MAML2: variants seen among roughly 807,000 people sequenced by gnomAD.
MAML2 encodes the protein mastermind-like protein 2.
Under a neutral mutation model 96.1 loss-of-function variants are expected in MAML2, and 22 were observed. The ratio of observed to expected loss-of-function variants is 0.23; its 90% confidence interval spans 0.16 to 0.33. The LOEUF is 0.33. MAML2 is among the 10% of genes least tolerant of loss of function. The pLI is 1.00. For missense variants in MAML2, 1,367 were observed against 1,392.4 expected (o/e 0.98, Z 0.29); for synonymous variants, 561 against 521.3 (o/e 1.08, Z -1.04).
intron 1 of MAML2, among the ~76,000 whole-genome samples, chr11:96,187,790 C>T (rs1447889642): frequency 3.7e-4 from 42 of 114,950 alleles, no homozygotes; most frequent in African/African-American, 1.4e-3. Context: ...GAAACTCTGT[C>T]TCAAAAAAAA....
chr11:96,059,416 T>A (rs759862202), intron 2 of MAML2, among the ~76,000 whole-genome samples: 7 of 152,194 alleles, frequency 4.6e-5, no homozygotes, highest in Non-Finnish European at 8.8e-5. Flanking sequence ...TGAGTCAGAT[T>A]TTTAAAACCC....
chr11:96,147,798 T>C (rs1334690177), intron 1 of MAML2, among the ~76,000 whole-genome samples: 1 of 152,240 alleles, frequency 6.6e-6, no homozygotes, highest in Non-Finnish European at 1.5e-5. Context: ...ATCTATCACA[T>C]GCACATTGTA....
At chr11:96,111,147 T>G (rs1443030968) in intron 1 of MAML2, among the ~76,000 whole-genome samples, 3 of 152,246 alleles carry the variant, frequency 2.0e-5, no homozygotes, top group Admixed American at 6.5e-5. Context: ...CTCCACTATC[T>G]GTGCTCACAT....
chr11:96,277,499 C>A (rs1398827187), intron 1 of MAML2, among the ~76,000 whole-genome samples: 1 of 151,902 alleles, frequency 6.6e-6, no homozygotes, highest in East Asian at 1.9e-4. Context: ...GCCTGTAATC[C>A]CAGCTCTTTG....
rs763344223 is a variant in MAML2, at chr11:95,985,611, C to A, written c.2375G>T (p.Arg792Leu). The A allele has an allele frequency of 8.7e-6, 14 of 1,611,782 alleles. No homozygotes were observed. Among genetic ancestry groups the A allele is most frequent in the Non-Finnish European group, 1.1e-5 (13 of 1,178,722 alleles). ...ATCTGGAGGTGGCCTTGACAAATGT[C>A]GGTTTATCTGATCTTGTGGAGCAAT... ...EKIAPQDQIN[R>L]HLSRPPPDYK... The change falls in exon 4 of 5, where the codon CGA becomes CTA. Residue 792 changes from arginine to leucine, a missense_variant. By Grantham distance (102) the Arg-to-Leu change is moderately radical. Transcript: ENST00000524717.
At chr11:96,237,162 C>T (rs527954475) in intron 1 of MAML2, among the ~76,000 whole-genome samples, 26 of 152,318 alleles carry the variant, frequency 1.7e-4, no homozygotes, top group African/African-American at 5.8e-4. Context: ...GGTCCCCTCC[C>T]CGAGTTCTGT....
At chr11:96,069,225 G>T (rs867992111) in intron 2 of MAML2, among the ~76,000 whole-genome samples, 11 of 151,964 alleles carry the variant, frequency 7.2e-5, no homozygotes, top group Non-Finnish European at 1.6e-4. Context: ...ACTGAGTCTG[G>T]CCTATTTTCT....
chr11:96,029,674 T>C (rs1858580626), intron 2 of MAML2, among the ~76,000 whole-genome samples: 1 of 152,164 alleles, frequency 6.6e-6, no homozygotes, highest in Non-Finnish European at 1.5e-5. Flanking sequence ...TCTGCTCCTA[T>C]TCTCTCCATG....
chr11:95,982,345 C>T (rs1857754960), intron 4 of MAML2, among the ~76,000 whole-genome samples: 1 of 144,252 alleles, frequency 6.9e-6, no homozygotes, highest in African/African-American at 2.5e-5. Flanking sequence ...TCTTTAGAAA[C>T]AGAGCAATGT....
chr11:96,037,880 A>T (rs566409795), intron 2 of MAML2, among the ~76,000 whole-genome samples: 20 of 152,298 alleles, frequency 1.3e-4, no homozygotes, highest in African/African-American at 4.6e-4. Context: ...CAGTGACAAA[A>T]TACCCCAAGA....
rs1863406610 is a variant in MAML2 at position 96,302,786 on chromosome 11, C to T, written c.513+38597G>A. Among the ~76,000 whole-genome samples, 5 of 152,306 alleles carry T rather than the reference C, an allele frequency of 3.3e-5. No homozygotes were observed. The South Asian group carries it at 1.0e-3, about 32-fold the overall frequency. Reference sequence around the variant, plus strand: ...GGTGCTTGCAACCAAAGAATACACACCGACACATACCATCTTAGCACATCT... The same window carrying T: ...GGTGCTTGCAACCAAAGAATACACATCGACACATACCATCTTAGCACATCT... On this transcript the variant is annotated intron_variant, in intron 1 of 4. Coordinates refer to ENST00000524717, the MANE Select transcript of MAML2 (RefSeq NM_032427.4).
At chr11:96,233,932 G>A (rs1475028495) in intron 1 of MAML2, among the ~76,000 whole-genome samples, 1 of 152,104 alleles carries the variant, frequency 6.6e-6, no homozygotes, top group Admixed American at 6.6e-5. Flanking sequence ...GTGGCCAGGT[G>A]GGCCTCCAAA....
At chr11:96,121,219 G>C (rs1860335342) in intron 1 of MAML2, among the ~76,000 whole-genome samples, 2 of 152,146 alleles carry the variant, frequency 1.3e-5, no homozygotes, top group African/African-American at 4.8e-5. Context: ...CCTGGGAGAC[G>C]CTGGCTTCTC....
chr11:96,287,324 G>GC, intron 1 of MAML2, among the ~76,000 whole-genome samples: 1 of 152,320 alleles, frequency 6.6e-6, no homozygotes, highest in East Asian at 1.9e-4. Context: ...TAACTAAGAG[G>GC]CCCTTTGGGG....
In MAML2 at chr11:96,092,069, TTGTTGTTGCTGCTGCTGCTGC is replaced by T. The variant is rs746909008; in HGVS notation, c.1941_1961del (p.Gln659_Gln665del). ...GCTGCTGCTGCTGCTGTTGTTGCTG[TTGTTGTTGCTGCTGCTGCTGC>T]TGTTGTTGCTGCTGCTGCTGCTGTT... On this transcript the variant is annotated inframe_deletion, in exon 2 of 5. Transcript: ENST00000524717. The surrounding 1 kb of genome is among the most constrained non-coding windows in gnomAD (Gnocchi z 4.1). 7.1e-4 allele frequency: 1,103 copies of T among 1,548,822 alleles called. 11 individuals carry two copies. The highest frequency in any genetic ancestry group is 3.7e-3 in the Middle Eastern group (22 of 5,916).
chr11:96,265,112 A>G (rs897083283), intron 1 of MAML2, among the ~76,000 whole-genome samples: 1 of 152,186 alleles, frequency 6.6e-6, no homozygotes, highest in East Asian at 1.9e-4. Context: ...GCTGACTTTC[A>G]TTAGGAATGT....
intron 1 of MAML2, among the ~76,000 whole-genome samples, chr11:96,322,459 G>A (rs545634662): frequency 6.6e-6 from 1 of 152,212 alleles, no homozygotes; most frequent in African/African-American, 2.4e-5. Flanking sequence ...AGCACTTTGG[G>A]AGGCGGGCGG....
rs530039767 is a variant in MAML2, at chr11:96,053,427, C to T, written c.2139+38465G>A. Among the ~76,000 whole-genome samples, 28 of 152,298 alleles carry T rather than the reference C, an allele frequency of 1.8e-4. No individual in the cohort carries two copies. The South Asian group carries it at 3.5e-3, about 19-fold the overall frequency. On this transcript the variant is annotated intron_variant, in intron 2 of 4. Transcript: ENST00000524717. ...CACAACTATAAATTGCTCTTCTCCC[C>T]GACTTTCTTCCAATCATCCAGGGCA...
At chr11:96,099,219 G>A (rs1330182973) in intron 1 of MAML2, among the ~76,000 whole-genome samples, 1 of 152,022 alleles carries the variant, frequency 6.6e-6, no homozygotes, top group African/African-American at 2.4e-5. Flanking sequence ...ATAGGACTGG[G>A]GATAGATAAC....
Sources: gnomAD v4.1 joint callset for allele counts (sites outside exome capture counted in the v4.1 genomes callset) on GRCh38, gnomAD v4.1.1 for gene constraint, Gnocchi (gnomAD v3.1) non-coding constraint, MANE v1.5 for transcripts, NCBI Gene and HGNC (gene_info 2026-07-23, HGNC 2026-07-21) for gene names.